Variants in RSRC1 observed in about 807,000 individuals in gnomAD.
RSRC1 encodes arginine and serine rich coiled-coil 1.
In RSRC1, 39 loss-of-function variants were observed where a neutral mutation model predicts 49.1. The observed-to-expected ratio is 0.79, with a 90% CI of 0.61 to 1.04. RSRC1 has a LOEUF of 1.04. Ranked by LOEUF, RSRC1 falls within the 50% of genes least tolerant of loss-of-function variation. RSRC1 has a pLI of 0.00. For synonymous variants in RSRC1, 143 were observed against 130.8 expected, an observed-to-expected ratio of 1.09 and a Z score of -0.63; for missense variants, 388 against 402.4, an observed-to-expected ratio of 0.96 and a Z score of 0.31.
At chr3:158,509,153 C>T (rs1369647621) in intron 7 of RSRC1, among the ~76,000 whole-genome samples, 1 of 152,102 alleles carries the variant, frequency 6.6e-6, no homozygotes, top group Non-Finnish European at 1.5e-5. Context: ...GATCCGTGAT[C>T]CATTTTGAGT....
chr3:158,157,772 G>A (rs1355715783), intron 3 of RSRC1, among the ~76,000 whole-genome samples: 4 of 152,104 alleles, frequency 2.6e-5, no homozygotes, highest in Non-Finnish European at 2.9e-5. Context: ...AAAATTAGCC[G>A]GGCATGGTGG....
At chr3:158,151,119 C>T (rs1717511171) in intron 3 of RSRC1, among the ~76,000 whole-genome samples, 2 of 152,048 alleles carry the variant, frequency 1.3e-5, no homozygotes, top group South Asian at 2.1e-4. Context: ...GCCCCTGCAA[C>T]AAAAGACAGA....
intron 4 of RSRC1, among the ~76,000 whole-genome samples, chr3:158,236,805 AAAC>A (rs1450870784): frequency 6.6e-6 from 1 of 152,216 alleles, no homozygotes; most frequent in African/African-American, 2.4e-5. Context: ...GCATATGTCC[AAAC>A]AACAAAGAGG....
Position 158,122,272 on chromosome 3 carries a change from G to T in RSRC1, c.168G>T (p.Gln56His), listed in dbSNP as rs1391305884. The change falls in exon 2 of 10, where the codon CAG (glutamine) becomes CAT (histidine). Residue 56 changes from glutamine to histidine, a missense_variant. Transcript: ENST00000611884. The stretch of plus-strand genomic sequence containing the variant: ...CAAGATCTTGGTCCAGAGATCTTCA[G>T]CCTCGTTCACATTCTTATGATAGAA... ...SKSRSWSRDL[Q>H]PRSHSYDRRR... 2 of 1,588,858 alleles carry T rather than the reference G, an allele frequency of 1.3e-6. No homozygotes were observed. The highest frequency in any genetic ancestry group is 1.7e-6 in the Non-Finnish European group (2 of 1,167,872).
chr3:158,324,628 A>G (rs1481957776), intron 5 of RSRC1, among the ~76,000 whole-genome samples: 2 of 152,118 alleles, frequency 1.3e-5, no homozygotes, highest in Non-Finnish European at 2.9e-5. Flanking sequence ...AATCCAGTCT[A>G]TCATTGATGG....
intron 4 of RSRC1, among the ~76,000 whole-genome samples, chr3:158,207,581 G>A (rs1293310156): frequency 6.6e-6 from 1 of 152,022 alleles, no homozygotes; most frequent in Non-Finnish European, 1.5e-5. Context: ...CTTGTGCTAA[G>A]TAACCTAAGT....
At chr3:158,327,072 A>G (rs1729201095) in intron 5 of RSRC1, among the ~76,000 whole-genome samples, 2 of 150,022 alleles carry the variant, frequency 1.3e-5, no homozygotes, top group Admixed American at 6.7e-5. Flanking sequence ...GATCGGTGGT[A>G]TATACCCAGT....
intron 3 of RSRC1, among the ~76,000 whole-genome samples, chr3:158,190,913 GTTTC>G (rs146195421): frequency 0.12 from 18,187 of 151,716 alleles, 1,330 homozygotes; most frequent in Middle Eastern, 0.19. Flanking sequence ...GTGAGGTGGA[GTTTC>G]TTTCTTTTAT....
At chr3:158,335,617 G>C (rs912917065) in intron 5 of RSRC1, among the ~76,000 whole-genome samples, 2 of 152,306 alleles carry the variant, frequency 1.3e-5, no homozygotes, top group Non-Finnish European at 1.5e-5. Flanking sequence ...AGGATAAGTA[G>C]AAAGGATATA....
intron 7 of RSRC1, among the ~76,000 whole-genome samples, chr3:158,530,654 A>G (rs1048601002): frequency 6.6e-5 from 10 of 151,830 alleles, no homozygotes; most frequent in African/African-American, 2.2e-4. Flanking sequence ...CAACCACCCT[A>G]TGATGTTTAG....
chr3:158,393,717 C>T (rs1177361492), intron 6 of RSRC1, among the ~76,000 whole-genome samples: 1 of 151,972 alleles, frequency 6.6e-6, no homozygotes, highest in Non-Finnish European at 1.5e-5. Context: ...AGATTCACAG[C>T]CAGATTCTAC....
At chr3:158,288,343 C>T (rs1726699032) in intron 4 of RSRC1, among the ~76,000 whole-genome samples, 1 of 152,088 alleles carries the variant, frequency 6.6e-6, no homozygotes, top group Non-Finnish European at 1.5e-5. Context: ...ATGAACTTTC[C>T]TTGAACAAGG....
intron 3 of RSRC1, among the ~76,000 whole-genome samples, chr3:158,199,459 A>G (rs1720894732): frequency 6.6e-6 from 1 of 151,916 alleles, no homozygotes; most frequent in Admixed American, 6.6e-5. Flanking sequence ...CATTAATTTT[A>G]TTGATATTCT....
At chr3:158,504,000 G>A (rs1739733767) in intron 7 of RSRC1, among the ~76,000 whole-genome samples, 1 of 152,126 alleles carries the variant, frequency 6.6e-6, no homozygotes, top group Admixed American at 6.5e-5. Flanking sequence ...GGATTCCTGT[G>A]GTGTCAGGCA....
intron 7 of RSRC1, among the ~76,000 whole-genome samples, chr3:158,499,363 C>T (rs1485984513): frequency 2.6e-5 from 4 of 151,384 alleles, no homozygotes; most frequent in South Asian, 2.1e-4. Flanking sequence ...GGTGACAGAG[C>T]GAGACTGTCT....
At chr3:158,518,148 ATTTT>A (rs72132266) in intron 7 of RSRC1, among the ~76,000 whole-genome samples, 18 of 44,128 alleles carry the variant, frequency 4.1e-4, no homozygotes, top group African/African-American at 1.1e-3. Flanking sequence ...ATATATATAT[ATTTT>A]TTTTTTTTTT....
chr3:158,116,031 C>T (rs1326674995), intron 1 of RSRC1, among the ~76,000 whole-genome samples: 2 of 152,174 alleles, frequency 1.3e-5, no homozygotes, highest in African/African-American at 4.8e-5. Context: ...AAAATATTGG[C>T]TCACTGAGTT....
At chr3:158,253,918 T>C (rs944432873) in intron 4 of RSRC1, among the ~76,000 whole-genome samples, 6 of 152,082 alleles carry the variant, frequency 3.9e-5, no homozygotes, top group African/African-American at 9.7e-5. Context: ...CTCCCCACTC[T>C]CTCCACCCCA....
chr3:158,463,135 A>G (rs1442828527), intron 7 of RSRC1, among the ~76,000 whole-genome samples: 2 of 152,116 alleles, frequency 1.3e-5, no homozygotes, highest in Admixed American at 6.6e-5. Context: ...CATTGAAAGT[A>G]TAACCCAACT....
Sources: allele counts gnomAD v4.1 joint callset (sites outside exome capture counted in the v4.1 genomes callset), GRCh38; gene constraint gnomAD v4.1.1; transcripts MANE v1.5; gene names NCBI Gene and HGNC (gene_info 2026-07-23, HGNC 2026-07-21).